Variants in TBC1D32 observed in about 807,000 individuals in gnomAD.
TBC1D32 encodes protein broad-minded.
Under a neutral mutation model 170.3 loss-of-function variants are expected in TBC1D32, and 151 were observed. That is an observed-to-expected ratio of 0.89 (90% CI 0.78 to 1.01). TBC1D32 has a LOEUF of 1.01. Ranked by LOEUF, TBC1D32 falls within the 50% of genes least tolerant of loss-of-function variation. The probability of loss-of-function intolerance (pLI) is 0.00; values close to 1 mark genes in which losing one functional copy is unlikely to be tolerated. For missense variants in TBC1D32, 1,464 were observed against 1,457.1 expected, an observed-to-expected ratio of 1.00 and a Z score of -0.08; for synonymous variants, 498 against 488.0, an observed-to-expected ratio of 1.02 and a Z score of -0.27.
intron 30 of TBC1D32, among the ~76,000 whole-genome samples, chr6:121,094,176 AT>A (rs11428033): frequency 3.7e-4 from 54 of 147,684 alleles, no homozygotes; most frequent in East Asian, 4.0e-4. Flanking sequence ...TAACTTCTGT[AT>A]TTTTTTTTTT....
intron 30 of TBC1D32, among the ~76,000 whole-genome samples, chr6:121,091,579 CA>C (rs1776803621): frequency 6.6e-6 from 1 of 152,040 alleles, no homozygotes; most frequent in Non-Finnish European, 1.5e-5. Flanking sequence ...GAGACTTTTA[CA>C]AAAGGAATTT....
At chr6:121,283,726 G>C in intron 13 of TBC1D32, 92 bp downstream of exon 13, 2 of 890,396 alleles carry the variant, frequency 2.2e-6, no homozygotes. Context: ...ACTTACCAAA[G>C]TAGGTCAGGC....
chr6:121,273,832 T>A (rs1728546309), intron 15 of TBC1D32, among the ~76,000 whole-genome samples: 1 of 152,088 alleles, frequency 6.6e-6, no homozygotes, highest in Non-Finnish European at 1.5e-5. Context: ...TGTGTTCAAA[T>A]AATGCAAAAC....
At position 121,128,270 on chromosome 6, in the gene TBC1D32, A is replaced by C. The variant is rs534139980; in HGVS notation, c.2900-1809T>G. 3.3e-5 allele frequency among the ~76,000 whole-genome samples: 5 copies of C among 152,248 alleles called. No homozygotes were observed. The East Asian group carries it at 9.6e-4, about 29-fold the overall frequency. ...CATATATTTTCAGGTATTTTGAGGG[A>C]TAGGCTGTACTCATGTAACAATGCT... On this transcript the variant is annotated intron_variant, in intron 25 of 31. Coordinates refer to ENST00000398212, the MANE Select transcript of TBC1D32 (RefSeq NM_152730.6).
intron 31 of TBC1D32, among the ~76,000 whole-genome samples, chr6:121,088,969 A>T (rs895492907): frequency 6.6e-6 from 1 of 152,158 alleles, no homozygotes; most frequent in African/African-American, 2.4e-5. Flanking sequence ...CTCTATTATA[A>T]TTTTTCCCTC....
At chr6:121,286,120 G>A (rs1011790366) in intron 12 of TBC1D32, among the ~76,000 whole-genome samples, 18 of 152,114 alleles carry the variant, frequency 1.2e-4, no homozygotes, top group Admixed American at 1.2e-3. Flanking sequence ...AACCAGCAAC[G>A]GAACAAAGCT....
chr6:121,263,191 T>C (rs1295666253), intron 15 of TBC1D32, among the ~76,000 whole-genome samples: 2 of 151,050 alleles, frequency 1.3e-5, no homozygotes, highest in East Asian at 3.9e-4. Context: ...ACTCATCTCA[T>C]ATGCAAATAT....
intron 24 of TBC1D32, among the ~76,000 whole-genome samples, chr6:121,142,988 C>T (rs1255917360): frequency 6.6e-6 from 1 of 152,130 alleles, no homozygotes; most frequent in Non-Finnish European, 1.5e-5. Flanking sequence ...ACCCAATCTG[C>T]TTGCGTCTTC....
intron 30 of TBC1D32, among the ~76,000 whole-genome samples, chr6:121,095,495 A>T (rs1777292151): frequency 6.6e-6 from 1 of 152,140 alleles, no homozygotes; most frequent in South Asian, 2.1e-4. Context: ...GAGAGAGGAC[A>T]TCCTTGTCTT....
chr6:121,282,266 AAT>A, intron 13 of TBC1D32, among the ~76,000 whole-genome samples: 1 of 151,818 alleles, frequency 6.6e-6, no homozygotes, highest in Middle Eastern at 3.4e-3. Flanking sequence ...AGGAAAACAC[AAT>A]ACACAAAAGT....
chr6:121,230,193 T>C (rs1246599740), intron 20 of TBC1D32, among the ~76,000 whole-genome samples: 1 of 152,182 alleles, frequency 6.6e-6, no homozygotes, highest in East Asian at 1.9e-4. Context: ...AGATAATCAA[T>C]TGATTCTCGA....
At chr6:121,285,987 T>C (rs7755977) in intron 12 of TBC1D32, among the ~76,000 whole-genome samples, 14,250 of 151,986 alleles carry the variant, frequency 0.094, 1,166 homozygotes, top group African/African-American at 0.22. Context: ...ACCCCATCTA[T>C]ACGTCACCAT....
At chr6:121,243,114 A>G (rs1797194753) in intron 17 of TBC1D32, among the ~76,000 whole-genome samples, 1 of 152,036 alleles carries the variant, frequency 6.6e-6, no homozygotes, top group Non-Finnish European at 1.5e-5. Flanking sequence ...TGAAAATTTT[A>G]TCCATCTAAC....
rs1313383654 is a variant in TBC1D32 at position 121,079,697 on chromosome 6, G to A, written c.*1074C>T. On this transcript the variant is annotated 3_prime_UTR_variant, in exon 32 of 32. Transcript: ENST00000398212. ...ATTCACATATTGTATTAATCTTACC[G>A]GTGCAGAGACATCTATTTAAATAAG... 2 of 151,940 alleles carry A rather than the reference G, an allele frequency of 1.3e-5. No individual in the cohort carries two copies. The highest frequency in any genetic ancestry group is 2.1e-4 in the South Asian group (1 of 4,824). 9.4% of individuals were successfully genotyped at this position (151,940 alleles called of 1,614,324 possible).
intron 22 of TBC1D32, among the ~76,000 whole-genome samples, chr6:121,180,520 G>T (rs1464515740): frequency 6.6e-6 from 1 of 152,034 alleles, no homozygotes; most frequent in Non-Finnish European, 1.5e-5. Context: ...CTAATAAATG[G>T]TGCTGGGAAA....
chr6:121,111,218 A>G (rs1779171161), intron 29 of TBC1D32, among the ~76,000 whole-genome samples: 1 of 152,204 alleles, frequency 6.6e-6, no homozygotes, highest in Non-Finnish European at 1.5e-5. Flanking sequence ...GTTATGAAAA[A>G]AAGTACGATT....
chr6:121,283,749 T>C, intron 13 of TBC1D32, 69 bp downstream of exon 13: 4 of 1,228,432 alleles, frequency 3.3e-6, no homozygotes, highest in Non-Finnish European at 4.6e-6. Context: ...TCAAAACATC[T>C]AGACAATAGA....
chr6:121,100,449 T>A (rs1390405833), intron 30 of TBC1D32, among the ~76,000 whole-genome samples: 2 of 151,982 alleles, frequency 1.3e-5, no homozygotes, highest in Admixed American at 1.3e-4. Flanking sequence ...ATCTGAGTGC[T>A]CCTGTATTGG....
chr6:121,115,530 AT>A (rs1162168926), intron 26 of TBC1D32: 1 of 228,880 alleles, frequency 4.4e-6, no homozygotes. Flanking sequence ...AAAAAGAGCC[AT>A]TGACCCAAAA....
Sources: gnomAD v4.1 joint callset for allele counts (sites outside exome capture counted in the v4.1 genomes callset) on GRCh38, gnomAD v4.1.1 for gene constraint, MANE v1.5 for transcripts, NCBI Gene and HGNC (gene_info 2026-07-23, HGNC 2026-07-21) for gene names.